The following ARB2A variants were observed in gnomAD, a reference collection of about 807,000 sequenced individuals.
ARB2A encodes ARB2 cotranscriptional regulator A.
the ARB2A span, among the ~76,000 whole-genome samples, chr5:93,782,744 T>C: frequency 1.3e-5 from 2 of 152,138 alleles, no homozygotes; most frequent in Non-Finnish European, 2.9e-5. Context: ...GAAAATTGAA[T>C]CTCAAAGAGA....
At chr5:93,970,900 T>C in the ARB2A span, among the ~76,000 whole-genome samples, 1 of 152,196 alleles carries the variant, frequency 6.6e-6, no homozygotes, top group East Asian at 1.9e-4. Flanking sequence ...ACAAGCAATA[T>C]GATTTATCAC....
the ARB2A span, among the ~76,000 whole-genome samples, chr5:93,629,720 A>C: frequency 6.6e-6 from 1 of 152,216 alleles, no homozygotes; most frequent in African/African-American, 2.4e-5. Flanking sequence ...GGTAATGAAT[A>C]AACTTTGTAA....
the ARB2A span, among the ~76,000 whole-genome samples, chr5:93,998,720 T>C: frequency 6.6e-6 from 1 of 151,978 alleles, no homozygotes; most frequent in African/African-American, 2.4e-5. Flanking sequence ...TAATGCACCG[T>C]CAGTAACAGT....
chr5:93,952,364 ACT>A, the ARB2A span, among the ~76,000 whole-genome samples: 3 of 152,168 alleles, frequency 2.0e-5, no homozygotes, highest in Middle Eastern at 0.01. Flanking sequence ...GGATAAAATC[ACT>A]CAGCTTTTGT....
the ARB2A span, among the ~76,000 whole-genome samples, chr5:94,063,405 G>A: frequency 1.3e-5 from 2 of 152,074 alleles, no homozygotes; most frequent in East Asian, 1.9e-4. Context: ...CAACAAAATC[G>A]TGAACTGCTC....
chr5:93,664,294 T>C, the ARB2A span, among the ~76,000 whole-genome samples: 1 of 152,090 alleles, frequency 6.6e-6, no homozygotes, highest in African/African-American at 2.4e-5. Flanking sequence ...TTGGTGAGGC[T>C]GGTCTCAAAC....
chr5:93,699,589 T>C, the ARB2A span, among the ~76,000 whole-genome samples: 1 of 151,984 alleles, frequency 6.6e-6, no homozygotes, highest in Non-Finnish European at 1.5e-5. Context: ...GTCTATTGAG[T>C]GCAATGGATT....
the ARB2A span, among the ~76,000 whole-genome samples, chr5:93,624,904 A>G: frequency 6.6e-6 from 1 of 152,188 alleles, no homozygotes; most frequent in South Asian, 2.1e-4. Flanking sequence ...TACTTTTTGC[A>G]TGATTTTAAT....
At chr5:94,011,467 C>T in the ARB2A span, among the ~76,000 whole-genome samples, 1,737 of 152,132 alleles carry the variant, frequency 0.011, 36 homozygotes, top group African/African-American at 0.04. Context: ...TATGTGCTCT[C>T]GGTACCTAGA....
At chr5:93,818,676 A>G in the ARB2A span, among the ~76,000 whole-genome samples, 2 of 152,166 alleles carry the variant, frequency 1.3e-5, no homozygotes, top group African/African-American at 4.8e-5. Flanking sequence ...TTTTATTGAA[A>G]AGACTATACC....
the ARB2A span, among the ~76,000 whole-genome samples, chr5:93,964,943 T>C: frequency 6.6e-6 from 1 of 151,968 alleles, no homozygotes; most frequent in South Asian, 2.1e-4. Context: ...GAGGAAAAAG[T>C]CAGAGGTATT....
At chr5:93,740,874 C>T in the ARB2A span, 17 of 1,613,994 alleles carry the variant, frequency 1.1e-5, no homozygotes, top group Non-Finnish European at 1.4e-5. Flanking sequence ...TAGGGCACCG[C>T]TGGAAGAATT....
the ARB2A span, among the ~76,000 whole-genome samples, chr5:94,007,254 G>A: frequency 6.6e-6 from 1 of 152,098 alleles, no homozygotes; most frequent in South Asian, 2.1e-4. Flanking sequence ...TTTCTAAATA[G>A]TATGACAATA....
At chr5:93,797,200 T>A in the ARB2A span, among the ~76,000 whole-genome samples, 9 of 152,250 alleles carry the variant, frequency 5.9e-5, no homozygotes, top group Non-Finnish European at 1.0e-4. Flanking sequence ...ATGAGAGCAC[T>A]GAAAAATTTA....
At chr5:93,713,198 G>T in the ARB2A span, among the ~76,000 whole-genome samples, 3 of 152,056 alleles carry the variant, frequency 2.0e-5, no homozygotes, top group African/African-American at 7.2e-5. Context: ...AAGCAAAAAT[G>T]GACAAATGGT....
At chr5:94,076,974 G>A in the ARB2A span, among the ~76,000 whole-genome samples, 1 of 152,158 alleles carries the variant, frequency 6.6e-6, no homozygotes, top group East Asian at 1.9e-4. Flanking sequence ...ATATTTCAAT[G>A]ATTCACTTTC....
At chr5:94,065,203 G>A in the ARB2A span, among the ~76,000 whole-genome samples, 5 of 152,286 alleles carry the variant, frequency 3.3e-5, no homozygotes, top group South Asian at 1.0e-3. Context: ...CACATAAACT[G>A]AAAGAACAGG....
At chr5:93,740,745 G>A in the ARB2A span, 21 of 1,612,518 alleles carry the variant, frequency 1.3e-5, no homozygotes, top group African/African-American at 1.1e-4. Flanking sequence ...TCTCCCGTGG[G>A]GAAGCATCAT....
the ARB2A span, among the ~76,000 whole-genome samples, chr5:94,013,297 C>T: frequency 1.3e-5 from 2 of 151,514 alleles, no homozygotes; most frequent in African/African-American, 2.4e-5. Context: ...TCTGCCTCAG[C>T]CTCCTGAGTA....
Sources: gnomAD v4.1 joint callset for allele counts (sites outside exome capture counted in the v4.1 genomes callset) on GRCh38, gnomAD v4.1.1 for gene constraint, MANE v1.5 for transcripts, NCBI Gene and HGNC (gene_info 2026-07-23, HGNC 2026-07-21) for gene names.